RNF41: variants seen among roughly 807,000 people sequenced by gnomAD.
The protein encoded by RNF41 is E3 ubiquitin-protein ligase NRDP1.
A neutral mutation model predicts 33.0 loss-of-function variants in RNF41; 4 were observed. That is an observed-to-expected ratio of 0.12 (90% CI 0.06 to 0.28). The LOEUF (loss-of-function observed/expected upper bound fraction) is 0.28. Among genes scored for constraint, RNF41 ranks in the 10% least tolerant of loss-of-function variants. RNF41 has a pLI of 1.00. For synonymous variants in RNF41, 164 were observed against 153.2 expected (o/e 1.07, Z -0.52); for missense variants, 228 against 432.6 (o/e 0.53, Z 4.19).
In RNF41 at chr12:56,206,264, G is replaced by T; in HGVS notation, c.*183C>A. The T allele has an allele frequency of 1.7e-6, 1 of 604,008 alleles. No homozygotes were observed. 37.4% of individuals were successfully genotyped at this position (604,008 alleles called of 1,614,324 possible). A position where few individuals can be genotyped will look rare whatever the true frequency, so the allele number is the denominator to read the frequency against. On this transcript the variant is annotated 3_prime_UTR_variant, in exon 7 of 7. Coordinates refer to ENST00000345093, the MANE Select transcript of RNF41 (RefSeq NM_005785.4). The surrounding 1 kb of genome is among the most constrained non-coding windows in gnomAD (Gnocchi z 5.7). ...GGAATATGGCAAAGGGAGGAAATCTGGGTTTCCCACCTGAAAGGCTGAGCA... is the reference window on the plus strand; with the variant it reads ...GGAATATGGCAAAGGGAGGAAATCTTGGTTTCCCACCTGAAAGGCTGAGCA...
intron 3 of RNF41, 115 bp from the exon 4 acceptor site, chr12:56,210,683 G>A: frequency 1.0e-6 from 1 of 963,124 alleles, no homozygotes; most frequent in African/African-American, 1.6e-5. Flanking sequence ...TACGACAAGA[G>A]GTCCACTGGG....
At chr12:56,207,919 C>T (rs1188802535) in intron 5 of RNF41, among the ~76,000 whole-genome samples, 170 bp from the exon 6 acceptor site, 2 of 152,180 alleles carry the variant, frequency 1.3e-5, no homozygotes, top group African/African-American at 4.8e-5. Flanking sequence ...TTAGTACTTA[C>T]AAATGTGCCT....
At position 56,208,197 on chromosome 12, in the gene RNF41, GTCT is replaced by G; in HGVS notation, c.461_463del (p.Lys154del). The G allele has an allele frequency of 6.2e-7, 1 of 1,614,194 alleles. No homozygotes were observed. ...CAGCTGGTGTTTGTGTTCAGCTGAC[GTCT>G]TCTCCAGCTCTGCGATGCGTGTCTG... is the stretch of plus-strand genomic sequence containing the variant. On this transcript the variant is annotated inframe_deletion, in exon 5 of 7. Coordinates refer to ENST00000345093, the MANE Select transcript of RNF41 (RefSeq NM_005785.4).
At position 56,210,565 on chromosome 12, in the gene RNF41, G is replaced by T. The variant is rs138861137; in HGVS notation, c.94C>A (p.Pro32Thr). 2 of 1,612,014 alleles carry T rather than the reference G, an allele frequency of 1.2e-6. No homozygotes were observed. The highest frequency in any genetic ancestry group is 1.7e-5 in the Admixed American group (1 of 59,998). The change falls in exon 4 of 7, where the codon CCT becomes ACT. Residue 32 changes from proline (P) to threonine (T), a missense_variant. Around this residue, in one of 2 missense-constraint regions of RNF41, gnomAD observed 29 missense variants for 98.0 expected, o/e 0.30. Coordinates refer to ENST00000345093, the MANE Select transcript of RNF41 (RefSeq NM_005785.4). ...TTGCAGAAAGCATGTTCACAATGAG[G>T]TGCCTAGAAGAGAGAACAAGGCAAA... is the stretch of plus-strand genomic sequence containing the variant. ...SGVLEEPVQA[P>T]HCEHAFCNAC...
intron 1 of RNF41, among the ~76,000 whole-genome samples, chr12:56,221,427 C>T (rs1004199387): frequency 2.0e-5 from 3 of 152,094 alleles, no homozygotes; most frequent in African/African-American, 7.2e-5. Context: ...TCCCTTCCTC[C>T]CCTTCTGGCC....
At chr12:56,215,737 A>G (rs974947333) in intron 2 of RNF41, among the ~76,000 whole-genome samples, 21 of 150,800 alleles carry the variant, frequency 1.4e-4, no homozygotes, top group South Asian at 4.2e-4. Flanking sequence ...AAAAAAAAAA[A>G]AGAGAGGTCC....
At chr12:56,208,989 C>T (rs557201573) in intron 4 of RNF41, among the ~76,000 whole-genome samples, 57 of 151,200 alleles carry the variant, frequency 3.8e-4, no homozygotes, top group Non-Finnish European at 5.3e-4. Context: ...CTCAGCCTCC[C>T]GAGTAGCTGG....
chr12:56,206,675 A>G lies in RNF41; in HGVS notation c.726T>C (p.Ile242=), dbSNP rs1452669999. 3.1e-6 allele frequency: 5 copies of G among 1,614,126 alleles called. No homozygotes were observed. Among genetic ancestry groups the G allele is most frequent in the East Asian group, 4.5e-5 (2 of 44,884 alleles). ...SLVESGCPAS[I]VNELIENAHE... ...GGGCATTTTCAATCAGCTCGTTGACAATAGAAGCAGGACAGCCACTCTCCA... is the reference window on the plus strand; with the variant it reads ...GGGCATTTTCAATCAGCTCGTTGACGATAGAAGCAGGACAGCCACTCTCCA... The change falls in exon 7 of 7, where the codon ATT becomes ATC. Residue 242 remains isoleucine, a synonymous_variant. Transcript: ENST00000345093. This position sits in a 1 kb window ranked among gnomAD's most constrained non-coding sequence, Gnocchi z 5.7.
intron 2 of RNF41, among the ~76,000 whole-genome samples, chr12:56,215,864 G>A (rs1284840986): frequency 2.6e-5 from 4 of 152,074 alleles, no homozygotes; most frequent in Non-Finnish European, 5.9e-5. Flanking sequence ...GCTCACGCCT[G>A]TAATCCTAGC....
intron 3 of RNF41, among the ~76,000 whole-genome samples, chr12:56,212,294 T>G (rs1157854398): frequency 6.6e-6 from 1 of 152,236 alleles, no homozygotes; most frequent in South Asian, 2.1e-4. Flanking sequence ...TGTATACCTT[T>G]TGATTTCTGA....
intron 5 of RNF41, 102 bp downstream of exon 5, chr12:56,208,061 T>C (rs747507672): frequency 2.9e-6 from 4 of 1,391,784 alleles, no homozygotes; most frequent in Non-Finnish European, 4.0e-6. Flanking sequence ...GGCTCACAAG[T>C]GTAAGCACTG....
At chr12:56,208,391 A>G (rs1868317304) in intron 4 of RNF41, 93 bp from the exon 5 acceptor site, 17 of 1,380,172 alleles carry the variant, frequency 1.2e-5, no homozygotes, top group South Asian at 6.4e-5. Flanking sequence ...TGCTAAGTAG[A>G]TTTTGTCCTA....
chr12:56,207,022 CTG>C, intron 6 of RNF41: 1 of 1,169,250 alleles, frequency 8.6e-7, no homozygotes, highest in South Asian at 1.7e-5. Context: ...CACTCTGTCT[CTG>C]TTACTTTTCT....
At chr12:56,220,780 C>T (rs943519061) in intron 1 of RNF41, among the ~76,000 whole-genome samples, 2 of 151,604 alleles carry the variant, frequency 1.3e-5, no homozygotes, top group Non-Finnish European at 2.9e-5. Context: ...TACTGAGAGT[C>T]GGAGAGGAAA....
Position 56,219,806 on chromosome 12 carries a change from A to G in RNF41, c.-209+1954T>C, listed in dbSNP as rs550705338. On this transcript the variant is annotated intron_variant, in intron 1 of 6. Coordinates refer to ENST00000345093, the MANE Select transcript of RNF41 (RefSeq NM_005785.4). ...GAAGTGAGTGGATCACCTGAGTCCA[A>G]GAGTTTGAGACCAGCCTGGGCAACA... is the stretch of plus-strand genomic sequence containing the variant. Among the ~76,000 whole-genome samples the G allele has an allele frequency of 4.0e-5, 6 of 151,310 alleles. No individual in the cohort carries two copies. In the South Asian group the frequency reaches 1.3e-3, roughly 32 times the overall value.
In RNF41 at chr12:56,204,366, CCA is replaced by C. The variant is rs1248764149; in HGVS notation, c.*2079_*2080del. 1.3e-5 allele frequency: 2 copies of C among 152,074 alleles called. No individual in the cohort carries two copies. Among genetic ancestry groups the C allele is most frequent in the African/African-American group, 4.8e-5 (2 of 41,386 alleles). The allele number at this position is 152,074 out of a possible 1,614,324, so 9.4% of individuals were successfully genotyped here. On this transcript the variant is annotated 3_prime_UTR_variant, in exon 7 of 7. Coordinates refer to ENST00000345093, the MANE Select transcript of RNF41 (RefSeq NM_005785.4). Reference sequence around the variant, plus strand: ...AGCAGCTGTGAAGTGCACACTACTCCCAGACATCCTCCTGAAAGAGAAGTTAG... The same window carrying C: ...AGCAGCTGTGAAGTGCACACTACTCCGACATCCTCCTGAAAGAGAAGTTAG...
chr12:56,213,233 C>T (rs142653337), intron 3 of RNF41: 38,419 of 812,044 alleles, frequency 0.047, 1,029 homozygotes, highest in African/African-American at 0.087. Context: ...TGGAGTCTCA[C>T]TCTGTCACCC....
At chr12:56,212,884 C>A in intron 3 of RNF41, 1 of 784,836 alleles carries the variant, frequency 1.3e-6, no homozygotes, top group South Asian at 1.5e-5. Flanking sequence ...TCTAGATAGC[C>A]AGGAAAGAGA....
chr12:56,216,442 G>A lies in RNF41; in HGVS notation c.-37C>T, dbSNP rs967877794. 5 of 152,312 alleles carry A rather than the reference G, an allele frequency of 3.3e-5. No individual in the cohort carries two copies. Among genetic ancestry groups the A allele is most frequent in the East Asian group, 1.9e-4 (1 of 5,184 alleles). 9.4% of individuals were successfully genotyped at this position (152,312 alleles called of 1,614,324 possible). ...AAAGCTCTTTACCTTCCAAGTGTTG[G>A]GGGGCAGGTTCCCTGTTCACAAGGC... On this transcript the variant is annotated 5_prime_UTR_variant, in exon 2 of 7. Coordinates refer to ENST00000345093, the MANE Select transcript of RNF41 (RefSeq NM_005785.4).
Sources: allele counts gnomAD v4.1 joint callset (sites outside exome capture counted in the v4.1 genomes callset), GRCh38; gene constraint gnomAD v4.1.1; regional missense constraint gnomAD v4.1.1; non-coding constraint Gnocchi (gnomAD v3.1); transcripts MANE v1.5; gene names NCBI Gene and HGNC (gene_info 2026-07-23, HGNC 2026-07-21).